Variants in DSCAM observed in about 807,000 individuals in gnomAD.
The protein encoded by DSCAM is DS cell adhesion molecule, also known as cell adhesion molecule DSCAM.
DSCAM carries 47 observed loss-of-function variants against 217.7 expected under a neutral mutation model. The ratio of observed to expected loss-of-function variants is 0.22; its 90% CI spans 0.17 to 0.28. The LOEUF is 0.28. Among genes scored for constraint, DSCAM ranks in the 10% least tolerant of loss-of-function variants. DSCAM has a pLI of 1.00. For synonymous variants in DSCAM, 1,056 were observed against 1,015.3 expected, an observed-to-expected ratio of 1.04 and a Z score of -0.76; for missense variants, 2,080 against 2,618.3, an observed-to-expected ratio of 0.79 and a Z score of 4.49.
At chr21:40,822,539 T>C (rs910100729) in intron 1 of DSCAM, among the ~76,000 whole-genome samples, 1 of 152,090 alleles carries the variant, frequency 6.6e-6, no homozygotes, top group Non-Finnish European at 1.5e-5. Context: ...ACTGTGCTTA[T>C]CTTATTCCAT....
At chr21:40,547,187 G>T (rs2076590258) in intron 3 of DSCAM, among the ~76,000 whole-genome samples, 1 of 152,110 alleles carries the variant, frequency 6.6e-6, no homozygotes, top group African/African-American at 2.4e-5. Flanking sequence ...AGACACAATA[G>T]CAGCAAGGAA....
intron 3 of DSCAM, among the ~76,000 whole-genome samples, chr21:40,617,945 A>G (rs1010063168): frequency 6.6e-6 from 1 of 152,202 alleles, no homozygotes; most frequent in Non-Finnish European, 1.5e-5. Flanking sequence ...ACCGGCACCC[A>G]CCCACTTTGC....
At chr21:40,287,532 A>G (rs1214730908) in intron 10 of DSCAM, among the ~76,000 whole-genome samples, 1 of 152,160 alleles carries the variant, frequency 6.6e-6, no homozygotes, top group African/African-American at 2.4e-5. Flanking sequence ...AGAGAGGGTC[A>G]CCTGAGCAGT....
chr21:40,181,360 TACCAA>T (rs2090798875), intron 14 of DSCAM, among the ~76,000 whole-genome samples: 1 of 152,138 alleles, frequency 6.6e-6, no homozygotes, highest in Non-Finnish European at 1.5e-5. Flanking sequence ...CTTTCAGACC[TACCAA>T]ACCAGAGTCT....
At chr21:40,522,713 C>G (rs73364909) in intron 3 of DSCAM, among the ~76,000 whole-genome samples, 2,319 of 152,272 alleles carry the variant, frequency 0.015, 58 homozygotes, top group African/African-American at 0.048. Context: ...GTTATCAAAT[C>G]TCTGTATCTA....
intron 3 of DSCAM, among the ~76,000 whole-genome samples, chr21:40,612,123 G>T (rs55692551): frequency 0.12 from 18,104 of 152,226 alleles, 1,502 homozygotes; most frequent in East Asian, 0.23. Context: ...GGGAAGCCTT[G>T]GAAGGTTGTA....
intron 3 of DSCAM, among the ~76,000 whole-genome samples, chr21:40,654,428 A>G (rs1010972947): frequency 6.6e-6 from 1 of 152,164 alleles, no homozygotes; most frequent in African/African-American, 2.4e-5. Context: ...TTCGATTTTG[A>G]TTGTTCACTG....
intron 20 of DSCAM, among the ~76,000 whole-genome samples, chr21:40,112,932 C>T (rs2089918695): frequency 1.3e-5 from 2 of 152,208 alleles, no homozygotes; most frequent in South Asian, 2.1e-4. Flanking sequence ...TAATAGCTTA[C>T]CAACCAAAAA....
intron 3 of DSCAM, among the ~76,000 whole-genome samples, chr21:40,571,656 T>C (rs947734369): frequency 2.6e-5 from 4 of 152,246 alleles, no homozygotes; most frequent in African/African-American, 4.8e-5. Context: ...TTATATTTAA[T>C]ATACATGTGT....
intron 11 of DSCAM, among the ~76,000 whole-genome samples, chr21:40,248,895 A>G (rs1194622596): frequency 6.6e-6 from 1 of 152,218 alleles, no homozygotes; most frequent in African/African-American, 2.4e-5. Context: ...GCAGGAGGCG[A>G]AAGCCACTTC....
At chr21:40,572,893 C>A (rs930194884) in intron 3 of DSCAM, among the ~76,000 whole-genome samples, 2 of 152,190 alleles carry the variant, frequency 1.3e-5, no homozygotes, top group Admixed American at 6.5e-5. Flanking sequence ...TTAATACTGT[C>A]AACAAAATTT....
intron 1 of DSCAM, among the ~76,000 whole-genome samples, chr21:40,803,269 A>G (rs561999331): frequency 6.6e-6 from 1 of 152,362 alleles, no homozygotes; most frequent in South Asian, 2.1e-4. Flanking sequence ...ACAAATGCAA[A>G]TGATGCCTTT....
intron 9 of DSCAM, among the ~76,000 whole-genome samples, chr21:40,305,384 C>T (rs1189922274): frequency 6.6e-5 from 8 of 121,782 alleles, no homozygotes; most frequent in African/African-American, 2.2e-4. Context: ...AGCAAGATCC[C>T]GTCTCAAAAA....
chr21:40,767,571 T>C lies in DSCAM; in HGVS notation c.44-58800A>G, dbSNP rs563354630. 1.2e-4 allele frequency among the ~76,000 whole-genome samples: 19 copies of C among 152,328 alleles called. No homozygotes were observed. The South Asian group carries it at 3.5e-3, about 28-fold the overall frequency. ...TGGGAGGCAAAATGCAAAGACCATGTGTGCTATTTATGTTTGAGAATGAAC... is the reference window on the plus strand; with the variant it reads ...TGGGAGGCAAAATGCAAAGACCATGCGTGCTATTTATGTTTGAGAATGAAC... On this transcript the variant is annotated intron_variant, in intron 1 of 32. Transcript: ENST00000400454.
chr21:40,106,975 T>A (rs1286222121), intron 20 of DSCAM, among the ~76,000 whole-genome samples: 1 of 152,160 alleles, frequency 6.6e-6, no homozygotes, highest in Admixed American at 6.5e-5. Flanking sequence ...TCTCCTTCTG[T>A]TCAGCTCTGA....
At chr21:40,506,434 T>C (rs937630521) in intron 3 of DSCAM, among the ~76,000 whole-genome samples, 1 of 152,172 alleles carries the variant, frequency 6.6e-6, no homozygotes, top group Non-Finnish European at 1.5e-5. Flanking sequence ...CAAGCCAAGG[T>C]TGTTTTTACC....
intron 3 of DSCAM, among the ~76,000 whole-genome samples, chr21:40,501,426 A>G (rs1233007138): frequency 1.3e-5 from 2 of 151,890 alleles, no homozygotes; most frequent in African/African-American, 4.8e-5. Flanking sequence ...CCCCTTTTCA[A>G]TCTGTGTCTT....
chr21:40,041,511 G>A (rs1000845409), intron 32 of DSCAM, among the ~76,000 whole-genome samples: 6 of 152,090 alleles, frequency 3.9e-5, no homozygotes, highest in Admixed American at 2.6e-4. Flanking sequence ...TTCCACTTGC[G>A]ATCAGTTGGC....
intron 10 of DSCAM, among the ~76,000 whole-genome samples, chr21:40,293,853 A>G (rs1355533783): frequency 6.6e-6 from 1 of 152,164 alleles, no homozygotes; most frequent in Non-Finnish European, 1.5e-5. Flanking sequence ...ATTAAGCACC[A>G]TATTTGTTGT....
Sources: allele counts gnomAD v4.1 joint callset (sites outside exome capture counted in the v4.1 genomes callset), GRCh38; gene constraint gnomAD v4.1.1; transcripts MANE v1.5; gene names NCBI Gene and HGNC (gene_info 2026-07-23, HGNC 2026-07-21).